PCMTD1: variants seen among roughly 807,000 people sequenced by gnomAD.
PCMTD1 encodes protein-L-isoaspartate O-methyltransferase domain-containing protein 1.
Under a neutral mutation model 37.6 loss-of-function variants are expected in PCMTD1, and 12 were observed. That is an observed-to-expected ratio of 0.32 (90% confidence interval 0.20 to 0.52). The LOEUF (loss-of-function observed/expected upper bound fraction) is 0.52, where lower values mean the gene tolerates loss of function less well. Ranked by LOEUF, PCMTD1 falls within the 20% of genes least tolerant of loss-of-function variation. PCMTD1 has a pLI of 0.97. For synonymous variants in PCMTD1, 117 were observed against 135.8 expected, an observed-to-expected ratio of 0.86 and a Z score of 0.96; for missense variants, 235 against 421.3, an observed-to-expected ratio of 0.56 and a Z score of 3.87.
In PCMTD1 at chr8:51,871,562, A is replaced by G. The variant is rs376322440; in HGVS notation, c.-95-10316T>C. On this transcript the variant is annotated intron_variant, in intron 1 of 5. Transcript: ENST00000522514. ...TTTCCTCTAATAGAGCATTTGTTACATAATTTAGCAAAAATTGTCTTGTAA... is the reference window on the plus strand; with the variant it reads ...TTTCCTCTAATAGAGCATTTGTTACGTAATTTAGCAAAAATTGTCTTGTAA... 6.4e-4 allele frequency among the ~76,000 whole-genome samples: 98 copies of G among 152,314 alleles called. 1 individual carries two copies. The highest frequency in any genetic ancestry group is 2.0e-3 in the African/African-American group (83 of 41,586).
At chr8:51,847,570 T>C (rs1356257656) in intron 2 of PCMTD1, among the ~76,000 whole-genome samples, 1 of 152,088 alleles carries the variant, frequency 6.6e-6, no homozygotes, top group East Asian at 1.9e-4. Flanking sequence ...GAGGTTGCAC[T>C]GAGCCAAGAT....
chr8:51,877,202 C>T (rs747855860), intron 1 of PCMTD1, among the ~76,000 whole-genome samples: 35 of 152,104 alleles, frequency 2.3e-4, no homozygotes, highest in Non-Finnish European at 2.4e-4. Flanking sequence ...GAGAGTACAC[C>T]GAACAAAGGA....
chr8:51,845,850 C>A, intron 2 of PCMTD1, 87 bp from the exon 3 acceptor site: 2 of 822,492 alleles, frequency 2.4e-6, no homozygotes, highest in Non-Finnish European at 3.8e-6. Flanking sequence ...TTATACATCA[C>A]AGGAGTATTT....
chr8:51,890,015 A>G (rs1400138000), intron 1 of PCMTD1, among the ~76,000 whole-genome samples: 1 of 149,654 alleles, frequency 6.7e-6, no homozygotes, highest in Non-Finnish European at 1.5e-5. Context: ...AAAAAAAAAA[A>G]GCTTATATAA....
At chr8:51,846,118 C>T (rs143190715) in intron 2 of PCMTD1, among the ~76,000 whole-genome samples, 235 of 152,238 alleles carry the variant, frequency 1.5e-3, no homozygotes, top group African/African-American at 5.3e-3. Context: ...TTATCATTTG[C>T]TAAAAAATTG....
At chr8:51,860,736 G>T in intron 2 of PCMTD1, 109 bp downstream of exon 2, 1 of 913,858 alleles carries the variant, frequency 1.1e-6, no homozygotes, top group Non-Finnish European at 1.6e-6. Flanking sequence ...CCTACACTGT[G>T]TATACACATT....
chr8:51,855,178 A>C (rs2038366619), intron 2 of PCMTD1, among the ~76,000 whole-genome samples: 1 of 148,108 alleles, frequency 6.8e-6, no homozygotes, highest in Non-Finnish European at 1.5e-5. Context: ...CCATCTCAAA[A>C]AAAAAAAAAA....
intron 1 of PCMTD1, among the ~76,000 whole-genome samples, chr8:51,897,902 T>A (rs1210895640): frequency 6.6e-6 from 1 of 152,060 alleles, no homozygotes; most frequent in East Asian, 1.9e-4. Context: ...CTATATATGA[T>A]CCCAATCTTG....
At chr8:51,878,010 G>T (rs2038737052) in intron 1 of PCMTD1, among the ~76,000 whole-genome samples, 1 of 152,144 alleles carries the variant, frequency 6.6e-6, no homozygotes, top group Admixed American at 6.5e-5. Flanking sequence ...AGCAACTAAT[G>T]AATCTAAGCA....
intron 1 of PCMTD1, among the ~76,000 whole-genome samples, chr8:51,876,395 CA>C (rs11301131): frequency 0.68 from 103,602 of 151,444 alleles, 41,676 homozygotes; most frequent in Non-Finnish European, 0.9. Context: ...AACACACACA[CA>C]AAAAAAAATA....
At chr8:51,848,508 G>A (rs1427213344) in intron 2 of PCMTD1, among the ~76,000 whole-genome samples, 1 of 152,160 alleles carries the variant, frequency 6.6e-6, no homozygotes, top group Non-Finnish European at 1.5e-5. Context: ...ATTATTAACA[G>A]AAAGAATCTG....
At chr8:51,885,525 A>G (rs1351433319) in intron 1 of PCMTD1, among the ~76,000 whole-genome samples, 1 of 152,184 alleles carries the variant, frequency 6.6e-6, no homozygotes, top group East Asian at 1.9e-4. Context: ...ACTGAAGCAC[A>G]TGTTCTTTCT....
At chr8:51,848,367 T>C (rs950648738) in intron 2 of PCMTD1, among the ~76,000 whole-genome samples, 1 of 151,998 alleles carries the variant, frequency 6.6e-6, no homozygotes, top group Admixed American at 6.6e-5. Flanking sequence ...CAGGGCTGCA[T>C]AGATACGAGA....
intron 1 of PCMTD1, among the ~76,000 whole-genome samples, chr8:51,889,613 T>C (rs893967554): frequency 6.6e-6 from 1 of 152,216 alleles, no homozygotes; most frequent in Non-Finnish European, 1.5e-5. Flanking sequence ...TCTTAGTTCA[T>C]GCATCTATAA....
intron 1 of PCMTD1, among the ~76,000 whole-genome samples, chr8:51,881,513 A>C (rs549187740): frequency 4.6e-4 from 70 of 152,288 alleles, no homozygotes; most frequent in African/African-American, 1.6e-3. Context: ...AATATTACAA[A>C]TATGATAGCA....
intron 2 of PCMTD1, among the ~76,000 whole-genome samples, chr8:51,859,080 G>A (rs563406886): frequency 4.3e-4 from 66 of 152,280 alleles, no homozygotes; most frequent in African/African-American, 1.6e-3. Context: ...AGTTTGGCTA[G>A]ATTGACCTCC....
At chr8:51,821,921 C>G (rs201315462) in intron 5 of PCMTD1, among the ~76,000 whole-genome samples, 2 of 152,020 alleles carry the variant, frequency 1.3e-5, no homozygotes, top group African/African-American at 2.4e-5. Context: ...ATTTTTAGTA[C>G]AGATGGGGTT....
intron 1 of PCMTD1, among the ~76,000 whole-genome samples, chr8:51,879,192 T>G (rs1342639258): frequency 1.3e-5 from 2 of 150,942 alleles, no homozygotes; most frequent in African/African-American, 4.9e-5. Context: ...ACAGTATATA[T>G]GTCCTAAAGC....
chr8:51,886,010 CCTA>C (rs1355128589), intron 1 of PCMTD1, among the ~76,000 whole-genome samples: 2 of 152,212 alleles, frequency 1.3e-5, no homozygotes, highest in Non-Finnish European at 2.9e-5. Flanking sequence ...GATATTCTTT[CCTA>C]CTAAGAACAA....
Sources: gnomAD v4.1 joint callset for allele counts (sites outside exome capture counted in the v4.1 genomes callset) on GRCh38, gnomAD v4.1.1 for gene constraint, MANE v1.5 for transcripts, NCBI Gene and HGNC (gene_info 2026-07-23, HGNC 2026-07-21) for gene names.